Variants in PDE4D observed in about 807,000 individuals in gnomAD.
PDE4D encodes 3',5'-cyclic-AMP phosphodiesterase 4D.
Under a neutral mutation model 87.4 loss-of-function variants are expected in PDE4D, and 24 were observed. That is an observed-to-expected ratio of 0.27 (90% CI 0.20 to 0.39). The LOEUF (loss-of-function observed/expected upper bound fraction) is 0.39. PDE4D is among the 10% of genes least tolerant of loss of function. The pLI is 1.00. For synonymous variants in PDE4D, 384 were observed against 383.2 expected, an observed-to-expected ratio of 1.00 and a Z score of -0.02; for missense variants, 714 against 1,041.0, an observed-to-expected ratio of 0.69 and a Z score of 4.32.
intron 3 of PDE4D, among the ~76,000 whole-genome samples, chr5:59,978,274 C>T (rs1561936363): frequency 6.6e-6 from 1 of 152,218 alleles, no homozygotes; most frequent in East Asian, 1.9e-4. Context: ...ACAGGATTCA[C>T]CATTCTAGAT....
At chr5:60,406,406 C>G (rs915589185) in intron 1 of PDE4D, among the ~76,000 whole-genome samples, 1 of 152,092 alleles carries the variant, frequency 6.6e-6, no homozygotes, top group Non-Finnish European at 1.5e-5. Context: ...TCTCAGTGCA[C>G]GATTTATAAC....
At chr5:59,751,476 G>C (rs1760448190) in intron 1 of PDE4D, among the ~76,000 whole-genome samples, 1 of 152,032 alleles carries the variant, frequency 6.6e-6, no homozygotes, top group African/African-American at 2.4e-5. Context: ...AGCAAGCTTA[G>C]CATGGGGTAA....
Position 58,974,453 on chromosome 5 carries a change from G to C in PDE4D, c.*211C>G. On this transcript the variant is annotated 3_prime_UTR_variant, in exon 15 of 15. Transcript: ENST00000340635. ...TGAAATCTTGTTAAAAACGCTGTTC[G>C]TGAAGATGTCCACCTTGCTCGGATG... The C allele has an allele frequency of 2.6e-6, 1 of 385,556 alleles. No homozygotes were observed. The highest frequency in any genetic ancestry group is 4.6e-6 in the Non-Finnish European group (1 of 216,488). 23.9% of individuals were successfully genotyped at this position (385,556 alleles called of 1,614,324 possible).
At chr5:59,976,168 G>T (rs1251943053) in intron 3 of PDE4D, among the ~76,000 whole-genome samples, 3 of 152,010 alleles carry the variant, frequency 2.0e-5, no homozygotes, top group Non-Finnish European at 4.4e-5. Flanking sequence ...CATGATTGAG[G>T]GGATCAGTAT....
intron 5 of PDE4D, among the ~76,000 whole-genome samples, chr5:59,107,107 C>T (rs752491588): frequency 6.6e-6 from 1 of 151,686 alleles, no homozygotes; most frequent in African/African-American, 2.4e-5. Flanking sequence ...CAAGCTACAT[C>T]TGTGTGTGTG....
chr5:59,122,244 C>A (rs778564667), intron 5 of PDE4D, among the ~76,000 whole-genome samples: 2 of 150,680 alleles, frequency 1.3e-5, no homozygotes, highest in Admixed American at 1.3e-4. Flanking sequence ...AGAATAAAAT[C>A]GTCATTTACA....
chr5:59,186,026 G>A (rs1289383103), intron 3 of PDE4D, among the ~76,000 whole-genome samples: 1 of 152,142 alleles, frequency 6.6e-6, no homozygotes, highest in East Asian at 1.9e-4. Flanking sequence ...CTGGAAGTGA[G>A]CCTAGGAGAA....
chr5:59,549,385 T>C (rs918578712), intron 1 of PDE4D, among the ~76,000 whole-genome samples: 1 of 152,220 alleles, frequency 6.6e-6, no homozygotes, highest in African/African-American at 2.4e-5. Flanking sequence ...GTTTTACTGT[T>C]AGCTAGAAAT....
intron 6 of PDE4D, chr5:59,002,015 C>T (rs748276348): frequency 3.9e-6 from 2 of 512,152 alleles, no homozygotes; most frequent in South Asian, 1.4e-5. Context: ...ACTTTGTTAG[C>T]AAGCCCTATC....
intron 1 of PDE4D, among the ~76,000 whole-genome samples, chr5:59,354,652 G>A (rs1781071729): frequency 6.6e-6 from 1 of 152,130 alleles, no homozygotes; most frequent in Non-Finnish European, 1.5e-5. Flanking sequence ...GGATACATGA[G>A]GGACCTGCAG....
intron 1 of PDE4D, chr5:60,460,193 A>G: frequency 6.5e-7 from 1 of 1,545,968 alleles, no homozygotes; most frequent in Non-Finnish European, 8.9e-7. Flanking sequence ...TCCTTTCCAG[A>G]TGAACATTTC....
intron 5 of PDE4D, among the ~76,000 whole-genome samples, chr5:59,132,637 C>G (rs540645823): frequency 1.6e-4 from 25 of 152,250 alleles, no homozygotes; most frequent in African/African-American, 4.3e-4. Flanking sequence ...TTAATCTTCC[C>G]TTTAAGAAAA....
chr5:59,682,517 A>G (rs985092150), intron 1 of PDE4D, among the ~76,000 whole-genome samples: 1 of 152,196 alleles, frequency 6.6e-6, no homozygotes, highest in Non-Finnish European at 1.5e-5. Context: ...CTCCAAATTC[A>G]TATGTTGAAA....
intron 1 of PDE4D, among the ~76,000 whole-genome samples, chr5:59,393,050 A>G (rs184894152): frequency 7.2e-5 from 11 of 152,280 alleles, no homozygotes; most frequent in African/African-American, 2.4e-4. Flanking sequence ...GAATGAAAAG[A>G]AAAAGTAATG....
chr5:60,104,182 A>T (rs1245573760), intron 2 of PDE4D, among the ~76,000 whole-genome samples: 5 of 152,202 alleles, frequency 3.3e-5, no homozygotes, highest in Non-Finnish European at 5.9e-5. Context: ...CCCACGGGCT[A>T]AAAAAACGGC....
intron 1 of PDE4D, among the ~76,000 whole-genome samples, chr5:60,464,036 C>T (rs1341212046): frequency 6.6e-6 from 1 of 152,050 alleles, no homozygotes; most frequent in Non-Finnish European, 1.5e-5. Context: ...TCTCTCTCCC[C>T]CTCCCCATCC....
At chr5:59,006,105 T>C (rs1479658888) in intron 6 of PDE4D, among the ~76,000 whole-genome samples, 1 of 152,340 alleles carries the variant, frequency 6.6e-6, no homozygotes, top group East Asian at 1.9e-4. Flanking sequence ...GATGTAATGA[T>C]GACGACACAT....
intron 2 of PDE4D, among the ~76,000 whole-genome samples, chr5:60,146,186 CCT>C (rs1780984139): frequency 1.3e-5 from 2 of 152,182 alleles, no homozygotes; most frequent in Non-Finnish European, 2.9e-5. Flanking sequence ...TGCACTCCAG[CCT>C]GGGCAACAAA....
At chr5:60,222,049 A>G (rs10059334) in intron 1 of PDE4D, among the ~76,000 whole-genome samples, 58,524 of 151,912 alleles carry the variant, frequency 0.39, 11,810 homozygotes, top group Admixed American at 0.45. Flanking sequence ...CCCCGCACAT[A>G]CATACATCAT....
Sources: gnomAD v4.1 joint callset for allele counts (sites outside exome capture counted in the v4.1 genomes callset) on GRCh38, gnomAD v4.1.1 for gene constraint, MANE v1.5 for transcripts, NCBI Gene and HGNC (gene_info 2026-07-23, HGNC 2026-07-21) for gene names.